Variants in PHF24 observed in about 807,000 individuals in gnomAD.
PHF24 encodes the protein Galpha inhibitory interacting protein.
Under a neutral mutation model 42.6 loss-of-function variants are expected in PHF24, and 25 were observed. That is an observed-to-expected ratio of 0.59 (90% CI 0.43 to 0.82). The LOEUF is 0.82. PHF24 is among the 40% of genes least tolerant of loss of function. PHF24 has a pLI of 0.00. For missense variants in PHF24, 470 were observed against 538.1 expected (o/e 0.87, Z 1.25); for synonymous variants, 185 against 204.8 (o/e 0.90, Z 0.83).
At chr9:34,886,795 AC>A in the PHF24 span, among the ~76,000 whole-genome samples, 6 of 134,710 alleles carry the variant, frequency 4.5e-5, no homozygotes, top group African/African-American at 8.4e-5. Context: ...CTGTCTATCT[AC>A]TCTATCTATG....
At chr9:34,889,018 G>A in the PHF24 span, 1 of 398,288 alleles carries the variant, frequency 2.5e-6, no homozygotes, top group Non-Finnish European at 4.4e-6. Context: ...TACTCTCTCT[G>A]TCTATCATAT....
At chr9:34,895,444 C>T in the PHF24 span, 1 of 397,252 alleles carries the variant, frequency 2.5e-6, no homozygotes, top group Non-Finnish European at 4.4e-6. Context: ...AATAATCACC[C>T]AAATTGGGAG....
the PHF24 span, among the ~76,000 whole-genome samples, chr9:34,932,988 T>A: frequency 6.8e-6 from 1 of 147,092 alleles, no homozygotes; most frequent in South Asian, 2.1e-4. Flanking sequence ...GGAACTCTTT[T>A]TTTTTTTTTT....
In PHF24 at chr9:34,978,008, A is replaced by T. The variant is rs766225903; in HGVS notation, c.1107-7A>T. On this transcript the variant is annotated splice_polypyrimidine_tract_variant and splice_region_variant and intron_variant, in intron 7 of 7. Transcript: ENST00000242315. ...CCTCACGACTCTGTTCTTTGCTTCCACTCCAGATTTGTGGACTGGCCTACC... is the reference window on the plus strand; with the variant it reads ...CCTCACGACTCTGTTCTTTGCTTCCTCTCCAGATTTGTGGACTGGCCTACC... The T allele has an allele frequency of 1.9e-6, 3 of 1,609,658 alleles. No homozygotes were observed. In the African/African-American group the frequency reaches 4.0e-5, roughly 22 times the overall value.
chr9:34,792,524 G>T, the PHF24 span, among the ~76,000 whole-genome samples: 2 of 152,050 alleles, frequency 1.3e-5, no homozygotes, highest in Non-Finnish European at 2.9e-5. Context: ...TACAAAATTA[G>T]CAGGGTGTGG....
At chr9:34,801,868 G>A in the PHF24 span, among the ~76,000 whole-genome samples, 1 of 150,826 alleles carries the variant, frequency 6.6e-6, no homozygotes, top group Non-Finnish European at 1.5e-5. Context: ...ATGAGAACAC[G>A]TGGACACAGG....
At chr9:34,780,111 G>A in the PHF24 span, among the ~76,000 whole-genome samples, 29 of 151,966 alleles carry the variant, frequency 1.9e-4, no homozygotes, top group Non-Finnish European at 4.0e-4. Context: ...ATCTCCATAG[G>A]CAAAAGAATG....
At chr9:34,705,232 G>C in the PHF24 span, among the ~76,000 whole-genome samples, 2 of 151,958 alleles carry the variant, frequency 1.3e-5, no homozygotes, top group Admixed American at 1.3e-4. Flanking sequence ...ATATTTACGT[G>C]TCTCAGCAGT....
the PHF24 span, chr9:34,678,222 C>G: frequency 5.8e-4 from 90 of 154,400 alleles, no homozygotes; most frequent in Non-Finnish European, 1.0e-3. Flanking sequence ...ACTGTCTCTC[C>G]TTGCTCCTCA....
At chr9:34,816,662 G>A in the PHF24 span, among the ~76,000 whole-genome samples, 1 of 152,146 alleles carries the variant, frequency 6.6e-6, no homozygotes, top group Non-Finnish European at 1.5e-5. Flanking sequence ...ATTCATGAGG[G>A]CTGAGCCTCC....
the PHF24 span, among the ~76,000 whole-genome samples, chr9:34,827,408 G>A: frequency 6.6e-6 from 1 of 152,190 alleles, no homozygotes; most frequent in African/African-American, 2.4e-5. Context: ...CATCCATGGG[G>A]TGGGCCCCCA....
chr9:34,870,421 A>G, the PHF24 span, among the ~76,000 whole-genome samples: 4 of 152,044 alleles, frequency 2.6e-5, no homozygotes, highest in Admixed American at 2.6e-4. Flanking sequence ...CTACCTATTC[A>G]TTCATCCCTC....
the PHF24 span, among the ~76,000 whole-genome samples, chr9:34,942,504 G>A: frequency 2.6e-5 from 4 of 152,270 alleles, no homozygotes; most frequent in Admixed American, 2.6e-4. Flanking sequence ...TAGTGTGATG[G>A]TTCTGCAAAA....
At chr9:34,711,154 G>T in the PHF24 span, among the ~76,000 whole-genome samples, 1 of 151,926 alleles carries the variant, frequency 6.6e-6, no homozygotes, top group Non-Finnish European at 1.5e-5. Context: ...TGTTCCCATT[G>T]ACATAGATTT....
the PHF24 span, among the ~76,000 whole-genome samples, chr9:34,899,704 A>G: frequency 0.97 from 147,838 of 152,252 alleles, 71,838 homozygotes; most frequent in Non-Finnish European, 0.99. Flanking sequence ...TACCCAATGC[A>G]GGATTGTGGG....
chr9:34,959,726 C>T (rs1019881077), intron 1 of PHF24, among the ~76,000 whole-genome samples: 3 of 152,174 alleles, frequency 2.0e-5, no homozygotes, highest in Non-Finnish European at 4.4e-5. Context: ...TGGGGTGGCT[C>T]TGGACCTAAT....
the PHF24 span, among the ~76,000 whole-genome samples, chr9:34,873,817 T>C: frequency 2.2e-4 from 34 of 151,254 alleles, no homozygotes; most frequent in Admixed American, 4.6e-4. Context: ...TTTCATGATA[T>C]TGATTCTTCC....
chr9:34,892,876 CATTA>C, the PHF24 span: 30 of 699,888 alleles, frequency 4.3e-5, no homozygotes, highest in Non-Finnish European at 7.6e-5. Flanking sequence ...ATTTCTGATC[CATTA>C]ATTGTGACAG....
chr9:34,948,181 T>C, the PHF24 span, among the ~76,000 whole-genome samples: 4 of 152,110 alleles, frequency 2.6e-5, no homozygotes, highest in Non-Finnish European at 4.4e-5. Context: ...AAAACATTTT[T>C]GTACAGCTGT....
Sources: gnomAD v4.1 joint callset for allele counts (sites outside exome capture counted in the v4.1 genomes callset) on GRCh38, gnomAD v4.1.1 for gene constraint, MANE v1.5 for transcripts, NCBI Gene and HGNC (gene_info 2026-07-23, HGNC 2026-07-21) for gene names.